The following HNF4G variants were observed in gnomAD, a reference collection of about 807,000 sequenced individuals.
HNF4G encodes hepatocyte nuclear factor 4 gamma.
Under a neutral mutation model 50.9 loss-of-function variants are expected in HNF4G, and 21 were observed. The ratio of observed to expected loss-of-function variants is 0.41; its 90% CI spans 0.29 to 0.59. The LOEUF is 0.59. HNF4G is among the 20% of genes least tolerant of loss of function. The probability of loss-of-function intolerance (pLI) is 0.26; values close to 1 mark genes in which losing one functional copy is unlikely to be tolerated. For missense variants in HNF4G, 527 were observed against 559.4 expected, an observed-to-expected ratio of 0.94 and a Z score of 0.58; for synonymous variants, 198 against 185.6, an observed-to-expected ratio of 1.07 and a Z score of -0.54.
chr8:75,563,962 G>A lies in HNF4G; in HGVS notation c.1247-13G>A, dbSNP rs777554524. On this transcript the variant is annotated splice_polypyrimidine_tract_variant and intron_variant, in intron 9 of 9. Coordinates refer to ENST00000396423, the MANE Select transcript of HNF4G (RefSeq NM_004133.5). ...CTGCCACCATTAGACTCAATTCTCT[G>A]ATTCTTTTTCAGCAACTCCTGAAAC... 1 of 1,612,852 alleles carries A rather than the reference G, an allele frequency of 6.2e-7. No individual in the cohort carries two copies. The highest frequency in any genetic ancestry group is 8.5e-7 in the Non-Finnish European group (1 of 1,179,172).
intron 9 of HNF4G, among the ~76,000 whole-genome samples, chr8:75,560,720 T>C (rs924862502): frequency 2.0e-5 from 3 of 152,144 alleles, no homozygotes; most frequent in African/African-American, 7.2e-5. Context: ...AGTATACAAG[T>C]AGTCCTTGCT....
intron 2 of HNF4G, among the ~76,000 whole-genome samples, chr8:75,516,843 A>C (rs2130737144): frequency 6.6e-6 from 1 of 152,254 alleles, no homozygotes; most frequent in South Asian, 2.1e-4. Context: ...CCTTTTTGTT[A>C]AGTCTTTTTT....
chr8:75,442,049 G>A (rs918981985), intron 1 of HNF4G, among the ~76,000 whole-genome samples: 11 of 152,154 alleles, frequency 7.2e-5, no homozygotes, highest in African/African-American at 2.2e-4. Flanking sequence ...AAAAAATCAA[G>A]TCAGAGAAGA....
intron 1 of HNF4G, among the ~76,000 whole-genome samples, chr8:75,433,412 C>CAA (rs1186388765): frequency 4.1e-4 from 26 of 63,036 alleles, no homozygotes; most frequent in East Asian, 2.0e-3. Context: ...TGTCTCAGAA[C>CAA]AAAAAAAAAA....
chr8:75,549,859 G>A (rs1451446301), intron 3 of HNF4G, among the ~76,000 whole-genome samples: 1 of 151,750 alleles, frequency 6.6e-6, no homozygotes, highest in Non-Finnish European at 1.5e-5. Flanking sequence ...AACATGTGAT[G>A]TTTGGTTTTT....
At chr8:75,458,899 G>T (rs1811784936) in intron 1 of HNF4G, among the ~76,000 whole-genome samples, 1 of 152,074 alleles carries the variant, frequency 6.6e-6, no homozygotes, top group African/African-American at 2.4e-5. Context: ...TGATATTAAT[G>T]AAAACATTCT....
chr8:75,444,457 T>G (rs200535827), intron 1 of HNF4G, among the ~76,000 whole-genome samples: 1 of 136,394 alleles, frequency 7.3e-6, no homozygotes, highest in Admixed American at 7.2e-5. Flanking sequence ...ATGGACTAAA[T>G]TCTCCAATTA....
chr8:75,554,315 G>A (rs549138672), intron 5 of HNF4G, among the ~76,000 whole-genome samples: 1 of 152,098 alleles, frequency 6.6e-6, no homozygotes, highest in Non-Finnish European at 1.5e-5. Flanking sequence ...TTTAGAAGTT[G>A]CTGACTTATA....
intron 2 of HNF4G, among the ~76,000 whole-genome samples, chr8:75,496,331 G>T (rs1812764044): frequency 6.6e-6 from 1 of 151,806 alleles, no homozygotes; most frequent in South Asian, 2.1e-4. Flanking sequence ...TACTGGCAGG[G>T]TTCTAGCAGC....
Position 75,458,754 on chromosome 8 carries a change from G to C in HNF4G, c.-143-31335G>C, listed in dbSNP as rs1011403569. On this transcript the variant is annotated intron_variant, in intron 1 of 10. Coordinates refer to the HNF4G transcript ENST00000354370. ...TTCAGGTTGCGTCAACATCATAACT[G>C]GGTCAAAGTTAAGAATACAGTTTTC... Among the ~76,000 whole-genome samples, 13 of 152,108 alleles carry C rather than the reference G, an allele frequency of 8.5e-5. 1 individual carries two copies. Among genetic ancestry groups the C allele is most frequent in the African/African-American group, 2.9e-4 (12 of 41,500 alleles).
At chr8:75,443,164 C>A (rs1374896457) in intron 1 of HNF4G, among the ~76,000 whole-genome samples, 2 of 152,124 alleles carry the variant, frequency 1.3e-5, no homozygotes, top group Admixed American at 6.5e-5. Flanking sequence ...CCATTATGAA[C>A]CTAGACTGGG....
rs118054443 is a variant in HNF4G at position 75,460,883 on chromosome 8, A to G, written c.-143-29206A>G. Among the ~76,000 whole-genome samples the G allele has an allele frequency of 3.6e-3, 546 of 152,322 alleles. 17 individuals carry two copies. In the East Asian group the frequency reaches 0.059, roughly 16 times the overall value. ...GCTAACTTTGAGGGTTTGGCAGAAG[A>G]AAACAGTCTTCACCACTTTTTCTTA... is the stretch of plus-strand genomic sequence containing the variant. On this transcript the variant is annotated intron_variant, in intron 1 of 10. Transcript: ENST00000354370.
intron 1 of HNF4G, among the ~76,000 whole-genome samples, chr8:75,425,091 T>TATTTATTC (rs2130501255): frequency 6.6e-6 from 1 of 151,356 alleles, no homozygotes; most frequent in Non-Finnish European, 1.5e-5. Flanking sequence ...TTTATTTATT[T>TATTTATTC]ATTTATTTAT....
At chr8:75,545,445 C>T (rs957766923) in intron 2 of HNF4G, among the ~76,000 whole-genome samples, 1 of 152,054 alleles carries the variant, frequency 6.6e-6, no homozygotes, top group Non-Finnish European at 1.5e-5. Context: ...ACTCCTGCAC[C>T]TTCCTATTAA....
chr8:75,443,588 T>G (rs1478656344), intron 1 of HNF4G, among the ~76,000 whole-genome samples: 1 of 152,180 alleles, frequency 6.6e-6, no homozygotes, highest in East Asian at 1.9e-4. Flanking sequence ...TTTGAACTCC[T>G]GGGCTCAAAT....
intron 1 of HNF4G, among the ~76,000 whole-genome samples, chr8:75,456,501 A>C (rs1811727477): frequency 6.6e-6 from 1 of 152,082 alleles, no homozygotes; most frequent in Non-Finnish European, 1.5e-5. Context: ...TTTCATTTCA[A>C]GGTTAAATTT....
chr8:75,562,636 T>C (rs1807347462), intron 9 of HNF4G, among the ~76,000 whole-genome samples: 1 of 152,206 alleles, frequency 6.6e-6, no homozygotes, highest in African/African-American at 2.4e-5. Flanking sequence ...GGTGGTTGAA[T>C]ACTTTTTAAG....
In HNF4G at chr8:75,539,892, G is replaced by GCAAAACACAT; in HGVS notation, c.-62_-53dup. On this transcript the variant is annotated 5_prime_UTR_variant, in exon 1 of 10. Transcript: ENST00000396423. ...TTGGATTAGCACTCACAGATTGAAA[G>GCAAAACACAT]CAAAACACATCAAAACACTCATCAC... 2.7e-6 allele frequency: 2 copies of GCAAAACACAT among 734,102 alleles called. No individual in the cohort carries two copies. The highest frequency in any genetic ancestry group is 4.9e-6 in the Non-Finnish European group (2 of 408,978). 45.5% of individuals were successfully genotyped at this position (734,102 alleles called of 1,614,324 possible).
chr8:75,545,068 A>T (rs1806734052), intron 2 of HNF4G, among the ~76,000 whole-genome samples: 2 of 152,158 alleles, frequency 1.3e-5, no homozygotes, highest in African/African-American at 4.8e-5. Flanking sequence ...AAAAAAGTGT[A>T]TTTAGATAAG....
Sources: allele counts gnomAD v4.1 joint callset (sites outside exome capture counted in the v4.1 genomes callset), GRCh38; gene constraint gnomAD v4.1.1; transcripts MANE v1.5; gene names NCBI Gene and HGNC (gene_info 2026-07-23, HGNC 2026-07-21).